The following EML3 variants were observed in gnomAD, a reference collection of about 807,000 sequenced individuals.
EML3 encodes echinoderm microtubule-associated protein-like 3.
EML3 carries 53 observed loss-of-function variants against 106.7 expected under a neutral mutation model. That is an observed-to-expected ratio of 0.50 (90% CI 0.40 to 0.62). The LOEUF (loss-of-function observed/expected upper bound fraction) is 0.62, where lower values mean the gene tolerates loss of function less well. Among genes scored for constraint, EML3 ranks in the 20% least tolerant of loss-of-function variants. EML3 has a pLI of 0.00. For synonymous variants in EML3, 499 were observed against 489.6 expected (o/e 1.02, Z -0.25); for missense variants, 994 against 1,209.1 (o/e 0.82, Z 2.64).
At chr11:62,612,029 G>A in intron 1 of EML3, 1 of 370,850 alleles carries the variant, frequency 2.7e-6, no homozygotes, top group East Asian at 5.5e-5. Context: ...ACGGGGTGCG[G>A]GAATGGAGTC....
chr11:62,604,497 C>T (rs1358911533), intron 16 of EML3, among the ~76,000 whole-genome samples: 3 of 152,124 alleles, frequency 2.0e-5, no homozygotes, highest in Non-Finnish European at 4.4e-5. Flanking sequence ...CATGCCTCAG[C>T]CTCCTGAGTA....
rs1565056751 is a variant in EML3, at chr11:62,605,750, C to G, written c.1806G>C (p.Gly602=). The G allele has an allele frequency of 6.3e-7, 1 of 1,593,976 alleles. No homozygotes were observed. Among genetic ancestry groups the G allele is most frequent in the Admixed American group, 1.7e-5 (1 of 58,156 alleles). ...GGTTCTGGGAGGGGTGTGTGCAGAG[C>G]CCCCAGAGCTCATCAGTGTGGCCCT... The part of the protein sequence containing the change: ...VIQGHTDELW[G]LCTHPSQNRF... Residue 602 remains glycine, a synonymous_variant, in exon 15 of 22, where the codon GGG becomes GGC. Transcript: ENST00000394773. The surrounding 1 kb of genome is among the most constrained non-coding windows in gnomAD (Gnocchi z 5.2).
Position 62,611,000 on chromosome 11 carries a change from G to A in EML3, c.453-8C>T. On this transcript the variant is annotated splice_polypyrimidine_tract_variant and splice_region_variant and intron_variant, in intron 3 of 21. Transcript: ENST00000394773. ...GAAGAATTTCTTCGCGGCCTGGTGG[G>A]GGCATAGTGAAGGTCATTCCCTCCA... 6.2e-7 allele frequency: 1 copy of A among 1,612,388 alleles called. No individual in the cohort carries two copies. The highest frequency in any genetic ancestry group is 2.2e-5 in the East Asian group (1 of 44,860).
Position 62,611,308 on chromosome 11 carries a change from G to A in EML3, c.231C>T (p.Thr77=). 3.1e-6 allele frequency: 5 copies of A among 1,613,042 alleles called. No homozygotes were observed. The highest frequency in any genetic ancestry group is 4.2e-6 in the Non-Finnish European group (5 of 1,179,872). Residue 77 remains threonine, a synonymous_variant, in exon 3 of 22, where the codon ACC becomes ACT. Coordinates refer to ENST00000394773, the MANE Select transcript of EML3 (RefSeq NM_153265.3). ...GGGTGCCTCGGCTCACCAAGGAAGG[G>A]GTGCACGTGGGTGGCAGTCCTGGGG... The part of the protein sequence containing the change: ...AAPPGLPPTC[T]PSLVSRGTQT...
rs935502411 is a variant in EML3 at position 62,607,026 on chromosome 11, T to G, written c.1436A>C (p.Glu479Ala). 1.2e-6 allele frequency: 2 copies of G among 1,614,166 alleles called. No homozygotes were observed. The highest frequency in any genetic ancestry group is 1.1e-5 in the South Asian group (1 of 91,086). The change falls in exon 12 of 22, where the codon GAG becomes GCG. Residue 479 changes from glutamate (E) to alanine (A), a missense_variant. Transcript: ENST00000394773. ...PDGDILTGDS[E>A]GNILTWGRSP... ...CCGCCCCCAGGTGAGAATGTTCCCC[T>G]CTGAGTCTCCAGTGAGAATGTCTCC...
Position 62,606,180 on chromosome 11 carries a change from A to T in EML3, c.1539T>A (p.His513Gln). The change falls in exon 13 of 22, where the codon CAT (histidine) becomes CAA (glutamine). Residue 513 changes from histidine (H) to glutamine (Q), a missense_variant. By Grantham distance (24) the His-to-Gln change is conservative. Transcript: ENST00000394773. Reference sequence around the variant, plus strand: ...GACACAAGGCGAAGATAGAACCTTCATGAGCGTGAGCCTGGGCCACAATCC... The same window carrying T: ...GACACAAGGCGAAGATAGAACCTTCTTGAGCGTGAGCCTGGGCCACAATCC... ...TYGIVAQAHA[H>Q]EGSIFALCLR... 4 of 1,614,020 alleles carry T rather than the reference A, an allele frequency of 2.5e-6. No individual in the cohort carries two copies. The highest frequency in any genetic ancestry group is 3.4e-6 in the Non-Finnish European group (4 of 1,180,038).
chr11:62,609,373 T>A lies in EML3; in HGVS notation c.739A>T (p.Thr247Ser). ...EELPSGPPPETLSLDWVYGYR... is the reference protein window; with the variant it reads ...EELPSGPPPESLSLDWVYGYR... The stretch of plus-strand genomic sequence containing the variant: ...GGATACACCCAGTCAAGGCTGAGGG[T>A]CTCTGGCGGTGGGCCACTCGGCAGC... Residue 247 changes from threonine to serine, a missense_variant, in exon 6 of 22, where the codon ACC (threonine) becomes TCC (serine). Thr to Ser is a moderately conservative substitution (Grantham distance 58). Coordinates refer to ENST00000394773, the MANE Select transcript of EML3 (RefSeq NM_153265.3). The A allele has an allele frequency of 6.3e-7, 1 of 1,586,942 alleles. No homozygotes were observed. Among genetic ancestry groups the A allele is most frequent in the South Asian group, 1.1e-5 (1 of 87,096 alleles).
At chr11:62,603,280 C>T in intron 19 of EML3, 33 bp from the exon 20 acceptor site, 1 of 1,596,916 alleles carries the variant, frequency 6.3e-7, no homozygotes, top group East Asian at 2.2e-5. Context: ...GCTCAGCTCT[C>T]ACCCTGCCCT....
Position 62,602,470 on chromosome 11 carries a change from A to C in EML3, c.*5T>G, listed in dbSNP as rs1044450591. 2.6e-6 allele frequency: 4 copies of C among 1,541,512 alleles called. No homozygotes were observed. In the African/African-American group the frequency reaches 4.1e-5, roughly 16 times the overall value. On this transcript the variant is annotated 3_prime_UTR_variant, in exon 22 of 22. Transcript: ENST00000394773. ...GCCGGGCCAGTCGGTCCCGCCAGGC[A>C]GCGATCAAACGTCGAGGGAGGAGGC...
chr11:62,602,766 C>T lies in EML3; in HGVS notation c.2480G>A (p.Arg827His). 2.5e-6 allele frequency: 4 copies of T among 1,611,446 alleles called. No homozygotes were observed. The highest frequency in any genetic ancestry group is 1.7e-5 in the Admixed American group (1 of 59,940). Residue 827 changes from arginine to histidine, a missense_variant, in exon 21 of 22, where the codon CGT becomes CAT. Arg to His is a conservative substitution (Grantham distance 29, BLOSUM62 0). Transcript: ENST00000394773. ...KVHLFQYPCA[R>H]AKAPSRMYGG... The stretch of plus-strand genomic sequence containing the variant: ...CGATCCCCGCGGCCTCACCTTGGCA[C>T]GAGCGCACGGGTACTGGAAGAGATG...
chr11:62,603,025 C>T, intron 20 of EML3, 124 bp downstream of exon 20: 10 of 1,512,122 alleles, frequency 6.6e-6, no homozygotes, highest in Non-Finnish European at 8.9e-6. Context: ...TCCCGAGGGG[C>T]CTCCTGGGCT....
chr11:62,608,112 G>T, intron 10 of EML3, 89 bp downstream of exon 10: 1 of 1,287,466 alleles, frequency 7.8e-7, no homozygotes, highest in Non-Finnish European at 1.1e-6. Flanking sequence ...CAAAAAGGAA[G>T]GAAATGTATG....
Position 62,603,932 on chromosome 11 carries a change from C to G in EML3, c.2169+12G>C. 6.2e-7 allele frequency: 1 copy of G among 1,614,002 alleles called. No homozygotes were observed. Among genetic ancestry groups the G allele is most frequent in the South Asian group, 1.1e-5 (1 of 91,080 alleles). On this transcript the variant is annotated intron_variant, in intron 18 of 21. Transcript: ENST00000394773. Reference sequence around the variant, plus strand: ...TGTTATCATGCCCCACCACACACCCCAACTTCCTCACCATACAGCGGCCAA... The same window carrying G: ...TGTTATCATGCCCCACCACACACCCGAACTTCCTCACCATACAGCGGCCAA...
chr11:62,610,842 C>T, intron 4 of EML3, 37 bp downstream of exon 4: 8 of 1,525,936 alleles, frequency 5.2e-6, no homozygotes, highest in Non-Finnish European at 7.1e-6. Flanking sequence ...AGAGCCTGCG[C>T]CTGGGGCGGG....
Position 62,608,743 on chromosome 11 carries a change from T to C in EML3, c.992A>G (p.Asp331Gly). 5 of 1,607,552 alleles carry C rather than the reference T, an allele frequency of 3.1e-6. No homozygotes were observed. The highest frequency in any genetic ancestry group is 4.3e-6 in the Non-Finnish European group (5 of 1,175,830). ...ASGQTAGVDK[D>G]GKPLQPVVHI... ...CCCTGACTTTGGCCTTACCTTTCCA[T>C]CCTTATCCACTCCAGCTGTCTGTCC... is the stretch of plus-strand genomic sequence containing the variant. Residue 331 changes from aspartate to glycine, a missense_variant, in exon 8 of 22, where the codon GAT becomes GGT. This residue lies in a region of EML3 where 713 missense variants were observed against 920.5 expected (regional missense o/e 0.77). Transcript: ENST00000394773.
intron 11 of EML3, chr11:62,607,360 C>A: frequency 2.2e-6 from 1 of 461,488 alleles, no homozygotes; most frequent in Non-Finnish European, 3.8e-6. Context: ...TGATGGCCAA[C>A]ATGATGAAAC....
At position 62,602,885 on chromosome 11, in the gene EML3, G is replaced by C. The variant is rs1389304359; in HGVS notation, c.2361C>G (p.Val787=). 6.4e-7 allele frequency: 1 copy of C among 1,570,134 alleles called. No homozygotes were observed. The highest frequency in any genetic ancestry group is 1.8e-5 in the Admixed American group (1 of 56,668). ...CGGTCCCATCGGAGCCGTCCGGCCA[G>C]ACGCCTAGCACAGCGGCCGGCCTCA... ...TCVLGFHVYG[V]WPDGSDGTDI... The change falls in exon 21 of 22, where the codon GTC becomes GTG. Residue 787 remains valine, a synonymous_variant. Coordinates refer to ENST00000394773, the MANE Select transcript of EML3 (RefSeq NM_153265.3).
At chr11:62,611,899 C>T (rs973063126) in intron 1 of EML3, 3 of 451,382 alleles carry the variant, frequency 6.6e-6, no homozygotes, top group Non-Finnish European at 1.2e-5. Context: ...ACGTGGGAGC[C>T]ACAGAGAGAG....
rs973117029 is a variant in EML3 at position 62,612,195 on chromosome 11, G to A, written c.22+241C>T. On this transcript the variant is annotated intron_variant, in intron 1 of 21. Coordinates refer to ENST00000394773, the MANE Select transcript of EML3 (RefSeq NM_153265.3). ...GAAGAGGCCCGGAGTAACGCAGGGG[G>A]CAGGGAAACATCGAGGGGCCCGGAG... 21 of 522,508 alleles carry A rather than the reference G, an allele frequency of 4.0e-5. No homozygotes were observed. In the African/African-American group the frequency reaches 4.3e-4, roughly 11 times the overall value. 32.4% of individuals were successfully genotyped at this position (522,508 alleles called of 1,614,324 possible).
Sources: gnomAD v4.1 joint callset for allele counts (sites outside exome capture counted in the v4.1 genomes callset) on GRCh38, gnomAD v4.1.1 for gene constraint, gnomAD v4.1.1 regional missense constraint, Gnocchi (gnomAD v3.1) non-coding constraint, MANE v1.5 for transcripts, NCBI Gene and HGNC (gene_info 2026-07-23, HGNC 2026-07-21) for gene names.